Variants in NXPH1 observed in about 807,000 individuals in gnomAD.
The protein encoded by NXPH1 is neurexophilin 1.
NXPH1 carries 5 observed loss-of-function variants against 23.7 expected under a neutral mutation model. The observed-to-expected ratio is 0.21, with a 90% CI of 0.11 to 0.44. The LOEUF is 0.44. Among genes scored for constraint, NXPH1 ranks in the 20% least tolerant of loss-of-function variants. NXPH1 has a pLI of 0.99. For missense variants in NXPH1, 324 were observed against 321.6 expected (o/e 1.01, Z -0.06); for synonymous variants, 144 against 122.2 (o/e 1.18, Z -1.18).
intron 2 of NXPH1, among the ~76,000 whole-genome samples, chr7:8,559,341 C>T (rs940363484): frequency 6.6e-6 from 1 of 151,702 alleles, no homozygotes; most frequent in South Asian, 2.1e-4. Context: ...TTTCTTCTGT[C>T]ACCTCCCGAG....
intron 2 of NXPH1, among the ~76,000 whole-genome samples, chr7:8,688,988 T>G (rs966872379): frequency 6.6e-6 from 1 of 152,196 alleles, no homozygotes; most frequent in African/African-American, 2.4e-5. Context: ...TCTCTTCTGG[T>G]GCTTTCCTTA....
chr7:8,708,134 A>G (rs1779731578), intron 2 of NXPH1, among the ~76,000 whole-genome samples: 2 of 152,208 alleles, frequency 1.3e-5, no homozygotes, highest in Admixed American at 1.3e-4. Context: ...AGTGACAAAG[A>G]GCCAAATCAT....
chr7:8,552,105 A>G (rs1173648635), intron 2 of NXPH1, among the ~76,000 whole-genome samples: 25 of 145,072 alleles, frequency 1.7e-4, no homozygotes, highest in Non-Finnish European at 3.3e-4. Context: ...TTGTCTGCAG[A>G]AAAAAAACCA....
intron 2 of NXPH1, among the ~76,000 whole-genome samples, chr7:8,534,455 C>T (rs1047980860): frequency 2.4e-4 from 36 of 152,180 alleles, no homozygotes; most frequent in African/African-American, 8.4e-4. Flanking sequence ...AATAATCTCC[C>T]AGCCACGCTG....
At chr7:8,655,767 A>T (rs900922451) in intron 2 of NXPH1, among the ~76,000 whole-genome samples, 10 of 151,936 alleles carry the variant, frequency 6.6e-5, no homozygotes, top group Admixed American at 3.3e-4. Context: ...GTTTTTTCAG[A>T]CTCTTGCCTT....
chr7:8,620,344 G>T (rs79942719), intron 2 of NXPH1, among the ~76,000 whole-genome samples: 4,760 of 152,236 alleles, frequency 0.031, 257 homozygotes, highest in East Asian at 0.17. Context: ...CCGACAGTTT[G>T]TGTGGTTCCA....
chr7:8,535,939 G>T (rs1486027892), intron 2 of NXPH1, among the ~76,000 whole-genome samples: 3 of 151,912 alleles, frequency 2.0e-5, no homozygotes, highest in Admixed American at 2.0e-4. Flanking sequence ...TCCCACCCAG[G>T]TATCTCCTTT....
At chr7:8,480,668 A>G (rs896501296) in intron 2 of NXPH1, among the ~76,000 whole-genome samples, 8 of 152,310 alleles carry the variant, frequency 5.3e-5, no homozygotes, top group Admixed American at 5.2e-4. Context: ...TGACTGCAAC[A>G]GCTGTACTTT....
chr7:8,547,828 A>G (rs1479229053), intron 2 of NXPH1, among the ~76,000 whole-genome samples: 1 of 151,520 alleles, frequency 6.6e-6, no homozygotes, highest in East Asian at 2.0e-4. Flanking sequence ...AAGGGACATA[A>G]TTCTTTTTTC....
At chr7:8,469,274 A>G (rs1258346142) in intron 2 of NXPH1, among the ~76,000 whole-genome samples, 1 of 152,008 alleles carries the variant, frequency 6.6e-6, no homozygotes, top group Non-Finnish European at 1.5e-5. Flanking sequence ...ATTTATCTAG[A>G]CTTTGAAAAT....
intron 2 of NXPH1, among the ~76,000 whole-genome samples, chr7:8,560,827 T>C (rs1296787000): frequency 6.6e-6 from 1 of 151,688 alleles, no homozygotes; most frequent in African/African-American, 2.4e-5. Context: ...AACCTCAATT[T>C]GCTAAGGTTT....
intron 2 of NXPH1, among the ~76,000 whole-genome samples, chr7:8,571,063 AATCTAATCTAATCT>A (rs1372732597): frequency 2.1e-5 from 3 of 145,184 alleles, no homozygotes; most frequent in Non-Finnish European, 4.6e-5. Flanking sequence ...AATCTAATCT[AATCTAATCTAATCT>A]AACTCTGGTT....
At chr7:8,514,771 C>A (rs544260080) in intron 2 of NXPH1, among the ~76,000 whole-genome samples, 6 of 152,166 alleles carry the variant, frequency 3.9e-5, no homozygotes, top group African/African-American at 1.4e-4. Flanking sequence ...TCTTTTTCAC[C>A]AAGCGGATGT....
chr7:8,519,295 C>A (rs374883225), intron 2 of NXPH1, among the ~76,000 whole-genome samples: 61 of 152,236 alleles, frequency 4.0e-4, no homozygotes, highest in African/African-American at 1.4e-3. Context: ...GCAAATGACA[C>A]AAACATTAAT....
chr7:8,741,619 C>T (rs779102446), intron 2 of NXPH1, among the ~76,000 whole-genome samples: 31 of 152,064 alleles, frequency 2.0e-4, no homozygotes, highest in Non-Finnish European at 3.4e-4. Context: ...GGTGATATAT[C>T]ACTGTTGTTT....
At chr7:8,536,761 A>G (rs1199099584) in intron 2 of NXPH1, among the ~76,000 whole-genome samples, 3 of 151,966 alleles carry the variant, frequency 2.0e-5, no homozygotes, top group Non-Finnish European at 4.4e-5. Context: ...GGTGGCTTAG[A>G]GTTGTGGAAA....
intron 2 of NXPH1, among the ~76,000 whole-genome samples, chr7:8,569,297 A>T (rs1451709442): frequency 6.6e-6 from 1 of 151,934 alleles, no homozygotes; most frequent in African/African-American, 2.4e-5. Flanking sequence ...CTTTAAAAGA[A>T]ACAATATACA....
intron 2 of NXPH1, among the ~76,000 whole-genome samples, chr7:8,682,170 G>A (rs1377391560): frequency 6.6e-6 from 1 of 152,160 alleles, no homozygotes; most frequent in African/African-American, 2.4e-5. Flanking sequence ...GAGGATGAAT[G>A]TGGTTACTTA....
intron 2 of NXPH1, among the ~76,000 whole-genome samples, chr7:8,627,537 C>T (rs926101956): frequency 6.6e-6 from 1 of 152,180 alleles, no homozygotes; most frequent in East Asian, 1.9e-4. Flanking sequence ...AAAGGCCTGA[C>T]ACTAGTAGGC....
Sources: gnomAD v4.1 joint callset for allele counts (sites outside exome capture counted in the v4.1 genomes callset) on GRCh38, gnomAD v4.1.1 for gene constraint, MANE v1.5 for transcripts, NCBI Gene and HGNC (gene_info 2026-07-23, HGNC 2026-07-21) for gene names.